The following ZBTB20 variants were observed in gnomAD, a reference collection of about 807,000 sequenced individuals.
The protein encoded by ZBTB20 is zinc finger and BTB domain-containing protein 20.
ZBTB20 carries 9 observed loss-of-function variants against 56.9 expected under a neutral mutation model. The ratio of observed to expected loss-of-function variants is 0.16; its 90% CI spans 0.10 to 0.28. The LOEUF (loss-of-function observed/expected upper bound fraction) is 0.28, where lower values mean the gene tolerates loss of function less well. ZBTB20 is among the 10% of genes least tolerant of loss of function. The pLI, the probability that ZBTB20 is intolerant of heterozygous loss-of-function variation, is 1.00. For missense variants in ZBTB20, 655 were observed against 1,003.0 expected, an observed-to-expected ratio of 0.65 and a Z score of 4.69; for synonymous variants, 417 against 420.7, an observed-to-expected ratio of 0.99 and a Z score of 0.11.
At chr3:114,391,055 T>C (rs1197253128) in intron 7 of ZBTB20, among the ~76,000 whole-genome samples, 1 of 152,130 alleles carries the variant, frequency 6.6e-6, no homozygotes, top group Non-Finnish European at 1.5e-5. Context: ...TGATTGTGAT[T>C]CCTGAATCAA....
intron 7 of ZBTB20, among the ~76,000 whole-genome samples, chr3:114,413,484 C>G (rs1408467875): frequency 6.6e-6 from 1 of 152,120 alleles, no homozygotes; most frequent in Non-Finnish European, 1.5e-5. Flanking sequence ...GAAAATAACT[C>G]TAATTCTTTA....
Position 115,125,025 on chromosome 3 carries a change from GT to G in ZBTB20, c.-703+22193del, listed in dbSNP as rs200817232. 2.2e-4 allele frequency among the ~76,000 whole-genome samples: 33 copies of G among 150,986 alleles called. 2 individuals are homozygous for G. The East Asian group carries it at 4.9e-3, about 22-fold the overall frequency. ...CTGCACATGTACCCCTGAACTTAAA[GT>G]TTTTTTTAAAAAAAAAAGGAAAATG... On this transcript the variant is annotated intron_variant, in intron 1 of 11. Transcript: ENST00000675478.
chr3:115,070,986 T>C (rs530404881), intron 2 of ZBTB20, among the ~76,000 whole-genome samples: 2 of 149,554 alleles, frequency 1.3e-5, no homozygotes, highest in East Asian at 3.9e-4. Context: ...AGTATCCTTT[T>C]CTGAAAAAAA....
chr3:114,685,369 G>A (rs941270350), intron 6 of ZBTB20, among the ~76,000 whole-genome samples: 1 of 152,126 alleles, frequency 6.6e-6, no homozygotes, highest in African/African-American at 2.4e-5. Flanking sequence ...AGCTGACAAG[G>A]ACTTGCTAAT....
intron 6 of ZBTB20, among the ~76,000 whole-genome samples, chr3:114,586,158 A>AT (rs1221751636): frequency 6.6e-6 from 1 of 152,064 alleles, no homozygotes; most frequent in African/African-American, 2.4e-5. Flanking sequence ...CATGTTTAGA[A>AT]TTTTCTACCT....
chr3:115,127,679 G>C (rs1450243912), intron 1 of ZBTB20, among the ~76,000 whole-genome samples: 1 of 152,156 alleles, frequency 6.6e-6, no homozygotes, highest in Non-Finnish European at 1.5e-5. Flanking sequence ...CTGAGCATCA[G>C]TGATTCAAGA....
chr3:115,017,278 C>A (rs1469727874), intron 2 of ZBTB20, among the ~76,000 whole-genome samples: 1 of 151,482 alleles, frequency 6.6e-6, no homozygotes, highest in African/African-American at 2.4e-5. Context: ...CTCCCATTCA[C>A]AACTGCTACA....
intron 7 of ZBTB20, among the ~76,000 whole-genome samples, chr3:114,449,394 T>C (rs1417822802): frequency 6.6e-6 from 1 of 152,144 alleles, no homozygotes; most frequent in African/African-American, 2.4e-5. Flanking sequence ...AGTAAGTACA[T>C]TCTGGTAAGA....
At chr3:114,836,873 T>C (rs1396256590) in intron 4 of ZBTB20, among the ~76,000 whole-genome samples, 1 of 152,240 alleles carries the variant, frequency 6.6e-6, no homozygotes, top group Non-Finnish European at 1.5e-5. Context: ...GGTAAAATTC[T>C]ACAAGTTATA....
At chr3:114,909,456 T>C (rs1195033456) in intron 3 of ZBTB20, among the ~76,000 whole-genome samples, 23 of 152,040 alleles carry the variant, frequency 1.5e-4, no homozygotes, top group South Asian at 2.1e-4. Flanking sequence ...TGAAGAAATA[T>C]GAAACTTTTA....
chr3:115,065,644 C>T (rs1442466236), intron 2 of ZBTB20, among the ~76,000 whole-genome samples: 1 of 152,124 alleles, frequency 6.6e-6, no homozygotes, highest in Admixed American at 6.6e-5. Flanking sequence ...AATCCTAGAG[C>T]TATAATCATG....
intron 7 of ZBTB20, among the ~76,000 whole-genome samples, chr3:114,426,448 C>T (rs1172477942): frequency 2.0e-5 from 3 of 151,802 alleles, no homozygotes; most frequent in African/African-American, 7.3e-5. Context: ...TGGCTTTCTA[C>T]CCTACTTCAG....
chr3:114,970,844 T>A (rs1212836930), intron 3 of ZBTB20, among the ~76,000 whole-genome samples: 2 of 152,072 alleles, frequency 1.3e-5, no homozygotes, highest in Non-Finnish European at 2.9e-5. Context: ...TGAAACCTCG[T>A]GTCTACTAAA....
chr3:114,784,023 G>A (rs941174808), intron 5 of ZBTB20, among the ~76,000 whole-genome samples: 1 of 152,014 alleles, frequency 6.6e-6, no homozygotes, highest in Admixed American at 6.5e-5. Context: ...TTTTCGTTGT[G>A]GTTCTTAAAT....
chr3:114,945,970 T>C (rs1162103885), intron 3 of ZBTB20, among the ~76,000 whole-genome samples: 2 of 145,626 alleles, frequency 1.4e-5, no homozygotes, highest in African/African-American at 5.6e-5. Context: ...ACTAGGAAGA[T>C]ATCACAGTTC....
At chr3:114,703,179 A>G (rs920171663) in intron 5 of ZBTB20, among the ~76,000 whole-genome samples, 8 of 152,182 alleles carry the variant, frequency 5.3e-5, no homozygotes, top group African/African-American at 1.9e-4. Context: ...TTAACATTCA[A>G]TAAGTCTTTA....
chr3:114,763,444 T>C (rs1253424131), intron 5 of ZBTB20, among the ~76,000 whole-genome samples: 1 of 152,208 alleles, frequency 6.6e-6, no homozygotes, highest in African/African-American at 2.4e-5. Flanking sequence ...CTCAATGATA[T>C]TATTAAGATA....
intron 10 of ZBTB20, among the ~76,000 whole-genome samples, chr3:114,372,999 C>T (rs534423761): frequency 3.3e-5 from 5 of 152,150 alleles, no homozygotes; most frequent in South Asian, 2.1e-4. Flanking sequence ...TCACTGCAAC[C>T]TCCGCCTCCT....
intron 5 of ZBTB20, among the ~76,000 whole-genome samples, chr3:114,731,573 C>T (rs1389592408): frequency 6.6e-6 from 1 of 152,082 alleles, no homozygotes; most frequent in Non-Finnish European, 1.5e-5. Context: ...TTGCAATATG[C>T]CACAGGAATC....
Sources: gnomAD v4.1 joint callset for allele counts (sites outside exome capture counted in the v4.1 genomes callset) on GRCh38, gnomAD v4.1.1 for gene constraint, MANE v1.5 for transcripts, NCBI Gene and HGNC (gene_info 2026-07-23, HGNC 2026-07-21) for gene names.